USP48: variants seen among roughly 807,000 people sequenced by gnomAD.
USP48 encodes the protein ubiquitin carboxyl-terminal hydrolase 48.
USP48 carries 43 observed loss-of-function variants against 150.7 expected under a neutral mutation model. The observed-to-expected ratio is 0.29, with a 90% CI of 0.22 to 0.37. The LOEUF (loss-of-function observed/expected upper bound fraction) is 0.37, where lower values mean the gene tolerates loss of function less well. Ranked by LOEUF, USP48 falls within the 10% of genes least tolerant of loss-of-function variation. The pLI, the probability that USP48 is intolerant of heterozygous loss-of-function variation, is 1.00. For synonymous variants in USP48, 396 were observed against 425.9 expected (o/e 0.93, Z 0.86); for missense variants, 813 against 1,249.6 (o/e 0.65, Z 5.27).
chr1:21,758,765 A>C (rs2097843057), intron 1 of USP48, among the ~76,000 whole-genome samples: 1 of 149,456 alleles, frequency 6.7e-6, no homozygotes, highest in South Asian at 2.1e-4. Flanking sequence ...AAATGAATGA[A>C]TGAATGAATG....
intron 25 of USP48, 75 bp downstream of exon 25, chr1:21,687,116 T>C: frequency 7.0e-7 from 1 of 1,427,024 alleles, no homozygotes; most frequent in South Asian, 1.2e-5. Flanking sequence ...CACTGTACAC[T>C]AAAGCTTCAA....
chr1:21,745,163 G>A (rs2097791631), intron 8 of USP48, among the ~76,000 whole-genome samples: 1 of 152,020 alleles, frequency 6.6e-6, no homozygotes, highest in Non-Finnish European at 1.5e-5. Flanking sequence ...ATTGTTTTTA[G>A]TCTTCTACCT....
At chr1:21,728,815 C>G in intron 10 of USP48, 96 bp from the exon 11 acceptor site, 1 of 1,426,848 alleles carries the variant, frequency 7.0e-7, no homozygotes, top group Non-Finnish European at 9.4e-7. Context: ...CTGATTAAAA[C>G]ATTGGCAGAA....
At chr1:21,683,203 G>A (rs1270700775) in intron 25 of USP48, among the ~76,000 whole-genome samples, 1 of 152,108 alleles carries the variant, frequency 6.6e-6, no homozygotes, top group East Asian at 1.9e-4. Flanking sequence ...GGCGGAGGTT[G>A]CAGTGAGCCA....
chr1:21,768,832 TTC>T (rs1557608274), intron 1 of USP48, among the ~76,000 whole-genome samples: 1 of 151,910 alleles, frequency 6.6e-6, no homozygotes, highest in Non-Finnish European at 1.5e-5. Context: ...CAGGGTCTTG[TTC>T]TGTTGCCCAG....
At chr1:21,751,766 T>A in intron 5 of USP48, 151 bp from the exon 6 acceptor site, 1 of 673,106 alleles carries the variant, frequency 1.5e-6, no homozygotes, top group South Asian at 2.0e-5. Context: ...TGAAATATAA[T>A]CCCAGCATTT....
At chr1:21,711,769 A>G (rs1179918197) in intron 15 of USP48, among the ~76,000 whole-genome samples, 13 of 152,186 alleles carry the variant, frequency 8.5e-5, no homozygotes, top group Non-Finnish European at 1.5e-5. Flanking sequence ...TAATAAATGA[A>G]CCCGTACAAC....
chr1:21,703,696 T>C (rs829372), intron 20 of USP48, 78 bp from the exon 21 acceptor site: 295,446 of 1,105,500 alleles, frequency 0.27, 44,054 homozygotes, highest in Middle Eastern at 0.32. Context: ...TAAAAACATA[T>C]GTCAAAGTTA....
At chr1:21,768,043 T>TA (rs2097867016) in intron 1 of USP48, among the ~76,000 whole-genome samples, 1 of 151,844 alleles carries the variant, frequency 6.6e-6, no homozygotes, top group African/African-American at 2.4e-5. Flanking sequence ...CCGTCTCTAC[T>TA]AAAAATATAA....
At chr1:21,751,137 T>C (rs997542434) in intron 6 of USP48, among the ~76,000 whole-genome samples, 2 of 152,198 alleles carry the variant, frequency 1.3e-5, no homozygotes, top group African/African-American at 4.8e-5. Context: ...GAAAGCAGAA[T>C]GACCATATCA....
At chr1:21,698,059 C>T (rs1284145311) in intron 22 of USP48, among the ~76,000 whole-genome samples, 1 of 152,050 alleles carries the variant, frequency 6.6e-6, no homozygotes, top group Non-Finnish European at 1.5e-5. Flanking sequence ...ATTTGTTTAT[C>T]TCCACTAAGG....
chr1:21,776,612 A>AT (rs2097899339), intron 1 of USP48, among the ~76,000 whole-genome samples: 1 of 149,634 alleles, frequency 6.7e-6, no homozygotes, highest in South Asian at 2.1e-4. Context: ...AAAAAAAAAA[A>AT]AAAAAAGAAG....
At chr1:21,744,443 C>CA (rs58485760) in intron 8 of USP48, among the ~76,000 whole-genome samples, 8,521 of 118,002 alleles carry the variant, frequency 0.072, 494 homozygotes, top group African/African-American at 0.18. Context: ...AATTCTGTCT[C>CA]AAAAAAAAAA....
chr1:21,727,954 CTT>C (rs2097743997), intron 11 of USP48: 1 of 984,722 alleles, frequency 1.0e-6, no homozygotes. Flanking sequence ...ACAAAGATAA[CTT>C]AATACAAATG....
At chr1:21,742,810 A>G (rs2097785283) in intron 8 of USP48, among the ~76,000 whole-genome samples, 1 of 152,124 alleles carries the variant, frequency 6.6e-6, no homozygotes, top group Admixed American at 6.6e-5. Flanking sequence ...AGGAGATGGC[A>G]TGTATCCTAG....
intron 8 of USP48, 37 bp downstream of exon 8, chr1:21,747,030 G>A (rs1009768284): frequency 2.7e-6 from 4 of 1,472,996 alleles, no homozygotes; most frequent in Non-Finnish European, 3.7e-6. Context: ...TAGAGTCTCT[G>A]AGCATTATAA....
intron 1 of USP48, among the ~76,000 whole-genome samples, chr1:21,770,798 T>C (rs1178148723): frequency 6.6e-6 from 1 of 151,902 alleles, no homozygotes; most frequent in Non-Finnish European, 1.5e-5. Context: ...GTGTTATTCT[T>C]ATGATTTGTG....
chr1:21,777,501 C>T (rs1488608978), intron 1 of USP48, among the ~76,000 whole-genome samples: 2 of 151,888 alleles, frequency 1.3e-5, no homozygotes, highest in Non-Finnish European at 2.9e-5. Context: ...CCCAACTCTA[C>T]AAAAAATACC....
At chr1:21,690,221 T>G in intron 23 of USP48, 122 bp from the exon 24 acceptor site, 2 of 1,180,234 alleles carry the variant, frequency 1.7e-6, no homozygotes, top group South Asian at 3.8e-5. Flanking sequence ...ACAAAACCAC[T>G]ATTGTTTACA....
Sources: allele counts gnomAD v4.1 joint callset (sites outside exome capture counted in the v4.1 genomes callset), GRCh38; gene constraint gnomAD v4.1.1; transcripts MANE v1.5; gene names NCBI Gene and HGNC (gene_info 2026-07-23, HGNC 2026-07-21).